The following ASPRV1 variants were observed in gnomAD, a reference collection of about 807,000 sequenced individuals.
ASPRV1 encodes the protein retroviral-like aspartic protease 1.
ASPRV1 carries 7 observed loss-of-function variants against 11.0 expected under a neutral mutation model. That is an observed-to-expected ratio of 0.64 (90% CI 0.36 to 1.20). The LOEUF is 1.20. Ranked by LOEUF, ASPRV1 falls within the 50% of genes most tolerant of loss-of-function variation. ASPRV1 has a pLI of 0.02. For synonymous variants in ASPRV1, 136 were observed against 138.4 expected (o/e 0.98, Z 0.12); for missense variants, 299 against 320.0 (o/e 0.93, Z 0.50).
At chr2:69,946,127 T>A in the ASPRV1 span, among the ~76,000 whole-genome samples, 1 of 152,080 alleles carries the variant, frequency 6.6e-6, no homozygotes, top group African/African-American at 2.4e-5. Context: ...ATCTGTTTAG[T>A]TACAAGCAGA....
the ASPRV1 span, among the ~76,000 whole-genome samples, chr2:69,995,759 G>T: frequency 6.6e-6 from 1 of 152,182 alleles, no homozygotes; most frequent in African/African-American, 2.4e-5. Context: ...GAAGAAGGAA[G>T]CCTGGAGAGG....
chr2:69,958,250 GCAC>G (rs1333719351), downstream of ASPRV1, among the ~76,000 whole-genome samples: 1 of 152,072 alleles, frequency 6.6e-6, no homozygotes, highest in Non-Finnish European at 1.5e-5. Context: ...CCAGTAAGAA[GCAC>G]CACATGGTCC....
chr2:69,937,521 G>A, the ASPRV1 span: 35 of 906,684 alleles, frequency 3.9e-5, no homozygotes, highest in African/African-American at 1.0e-4. Context: ...TAGAGAAGTC[G>A]AACAGTGTGA....
the ASPRV1 span, chr2:70,069,501 A>G: frequency 1.3e-5 from 2 of 152,196 alleles, no homozygotes; most frequent in Admixed American, 1.3e-4. Flanking sequence ...CTGACTACTA[A>G]AAATCTAATT....
the ASPRV1 span, among the ~76,000 whole-genome samples, chr2:70,053,496 T>C: frequency 2.0e-5 from 3 of 152,192 alleles, no homozygotes; most frequent in Non-Finnish European, 4.4e-5. Flanking sequence ...AGTGCTTTCA[T>C]ACACTATTGA....
chr2:70,018,991 C>G, the ASPRV1 span: 55 of 152,252 alleles, frequency 3.6e-4, no homozygotes, highest in African/African-American at 1.3e-3. Flanking sequence ...TGAGAGAATA[C>G]ATTTGCAAAC....
chr2:70,042,887 A>C, the ASPRV1 span, among the ~76,000 whole-genome samples: 2 of 152,320 alleles, frequency 1.3e-5, no homozygotes, highest in South Asian at 4.1e-4. Flanking sequence ...GCCTCAGTGA[A>C]GCTAAAAGTC....
chr2:70,082,344 G>A, the ASPRV1 span, among the ~76,000 whole-genome samples: 1 of 152,176 alleles, frequency 6.6e-6, no homozygotes, highest in Admixed American at 6.5e-5. Context: ...TGAGGCAGAA[G>A]AATCACTTGA....
At chr2:69,953,308 A>G in the ASPRV1 span, among the ~76,000 whole-genome samples, 7 of 152,242 alleles carry the variant, frequency 4.6e-5, no homozygotes, top group Admixed American at 6.5e-5. Context: ...GACAGTGGTC[A>G]GTCCTGGGGA....
the ASPRV1 span, chr2:70,073,158 T>G: frequency 6.6e-6 from 1 of 152,174 alleles, no homozygotes; most frequent in Non-Finnish European, 1.5e-5. Flanking sequence ...ATGGAGGTAT[T>G]CAAAGAGAAC....
At chr2:69,999,969 T>A in the ASPRV1 span, among the ~76,000 whole-genome samples, 5 of 152,124 alleles carry the variant, frequency 3.3e-5, no homozygotes, top group Non-Finnish European at 7.4e-5. Context: ...GCTCGCCTCC[T>A]CTCTAGCCCT....
At chr2:70,040,950 T>C in the ASPRV1 span, among the ~76,000 whole-genome samples, 1 of 152,220 alleles carries the variant, frequency 6.6e-6, no homozygotes, top group Non-Finnish European at 1.5e-5. Context: ...TCCCACTTCC[T>C]ATAAGCGAGC....
At chr2:70,020,105 G>GAT in the ASPRV1 span, among the ~76,000 whole-genome samples, 1,945 of 152,112 alleles carry the variant, frequency 0.013, 47 homozygotes, top group African/African-American at 0.045. Flanking sequence ...GTGTCGCAAC[G>GAT]ATATGGGGAA....
chr2:69,947,813 T>C, the ASPRV1 span, among the ~76,000 whole-genome samples: 13,807 of 152,036 alleles, frequency 0.091, 2,085 homozygotes, highest in African/African-American at 0.32. Flanking sequence ...ACTAGGAGGG[T>C]GGTGCCCCAG....
At chr2:69,981,671 C>T in the ASPRV1 span, among the ~76,000 whole-genome samples, 15 of 152,198 alleles carry the variant, frequency 9.9e-5, no homozygotes, top group Non-Finnish European at 1.9e-4. Flanking sequence ...ATTATCCTGC[C>T]TCAGCCTCCT....
At chr2:70,007,662 G>A in the ASPRV1 span, among the ~76,000 whole-genome samples, 1 of 151,900 alleles carries the variant, frequency 6.6e-6, no homozygotes, top group Non-Finnish European at 1.5e-5. Context: ...TATCATTTGA[G>A]CTTATTTGCA....
the ASPRV1 span, among the ~76,000 whole-genome samples, chr2:69,949,812 T>C: frequency 7.5e-4 from 114 of 152,312 alleles, no homozygotes; most frequent in African/African-American, 2.5e-3. Context: ...CACATGCATA[T>C]GTATTTGTTT....
the ASPRV1 span, among the ~76,000 whole-genome samples, chr2:70,020,469 A>G: frequency 1.3e-5 from 2 of 152,296 alleles, no homozygotes; most frequent in East Asian, 1.9e-4. Flanking sequence ...TGGGCCGGGC[A>G]CGGTGGCTCA....
chr2:69,960,674 G>C lies in ASPRV1; in HGVS notation c.763C>G (p.Gln255Glu). ...EEDPSSEEGR[Q>E]ELSH ...GTGGCTTCTCAGTGGGATAGCTCCT[G>C]CCGCCCTTCTTCTGAGGAGGGGTCC... The change falls in exon 1 of 1, where the codon CAG (glutamine) becomes GAG (glutamate). Residue 255 changes from glutamine (Q) to glutamate (E), a missense_variant. Coordinates refer to ENST00000320256, the MANE Select transcript of ASPRV1 (RefSeq NM_152792.4). The C allele has an allele frequency of 6.2e-7, 1 of 1,612,626 alleles. No individual in the cohort carries two copies. The highest frequency in any genetic ancestry group is 8.5e-7 in the Non-Finnish European group (1 of 1,179,408).
Sources: gnomAD v4.1 joint callset for allele counts (sites outside exome capture counted in the v4.1 genomes callset) on GRCh38, gnomAD v4.1.1 for gene constraint, MANE v1.5 for transcripts, NCBI Gene and HGNC (gene_info 2026-07-23, HGNC 2026-07-21) for gene names.